ANKRD30B: variants seen among roughly 807,000 people sequenced by gnomAD.
ANKRD30B encodes the protein ankyrin repeat domain-containing protein 30B.
A neutral mutation model predicts 202.2 loss-of-function variants in ANKRD30B; 144 were observed. That is an observed-to-expected ratio of 0.71 (90% CI 0.62 to 0.82). ANKRD30B has a LOEUF of 0.82. Ranked by LOEUF, ANKRD30B falls within the 40% of genes least tolerant of loss-of-function variation. The pLI is 0.00. For synonymous variants in ANKRD30B, 508 were observed against 561.3 expected (o/e 0.91, Z 1.34); for missense variants, 1,487 against 1,669.1 (o/e 0.89, Z 1.90).
chr18:14,912,452 T>C, the ANKRD30B span, among the ~76,000 whole-genome samples: 1 of 152,230 alleles, frequency 6.6e-6, no homozygotes, highest in East Asian at 1.9e-4. Context: ...TATCCTTGCA[T>C]CCCTGAGATA....
intron 33 of ANKRD30B, among the ~76,000 whole-genome samples, chr18:14,830,013 T>G (rs897537863): frequency 6.6e-6 from 1 of 152,068 alleles, no homozygotes; most frequent in East Asian, 1.9e-4. Context: ...GGAGCTTCAG[T>G]TGGGTTTTTG....
rs553151216 is a variant in ANKRD30B, at chr18:14,842,532, T to G, written c.3080-365T>G. Among the ~76,000 whole-genome samples, 958 of 152,278 alleles carry G rather than the reference T, an allele frequency of 6.3e-3. 13 individuals carry two copies. The highest frequency in any genetic ancestry group is 0.021 in the African/African-American group (882 of 41,554). ...AGTGTATTTCACTGAATATATGGCG[T>G]AGGATTCTATATTCAGCTTTGACAT... On this transcript the variant is annotated intron_variant, in intron 37 of 43. Coordinates refer to ENST00000690538, the MANE Select transcript of ANKRD30B (RefSeq NM_001367607.2).
At chr18:14,879,951 T>C in the ANKRD30B span, among the ~76,000 whole-genome samples, 1 of 152,186 alleles carries the variant, frequency 6.6e-6, no homozygotes, top group Non-Finnish European at 1.5e-5. Flanking sequence ...CATGAAATCC[T>C]TGCCTATACC....
intron 8 of ANKRD30B, among the ~76,000 whole-genome samples, chr18:14,771,200 G>A (rs1266552635): frequency 6.6e-6 from 1 of 152,178 alleles, no homozygotes; most frequent in Non-Finnish European, 1.5e-5. Flanking sequence ...TCAGTAGTCT[G>A]TGCTTTGATG....
At chr18:14,839,981 A>G (rs1032850412) in intron 36 of ANKRD30B, among the ~76,000 whole-genome samples, 1 of 152,210 alleles carries the variant, frequency 6.6e-6, no homozygotes, top group Admixed American at 6.5e-5. Context: ...GATACTTTGA[A>G]GTAAATTCCT....
At chr18:14,763,649 G>A in intron 6 of ANKRD30B, 37 bp from the exon 7 acceptor site, 1 of 1,603,968 alleles carries the variant, frequency 6.2e-7, no homozygotes, top group South Asian at 1.1e-5. Flanking sequence ...TGATATTTAA[G>A]CAGAAAGAAA....
chr18:14,821,743 C>T (rs1042206483), intron 30 of ANKRD30B, among the ~76,000 whole-genome samples: 6 of 152,152 alleles, frequency 3.9e-5, no homozygotes, highest in Non-Finnish European at 7.3e-5. Context: ...CAGGCATGAG[C>T]CATGGCACCT....
At chr18:14,900,203 T>C in the ANKRD30B span, among the ~76,000 whole-genome samples, 1 of 152,214 alleles carries the variant, frequency 6.6e-6, no homozygotes, top group Non-Finnish European at 1.5e-5. Context: ...TAATTCTGTT[T>C]ATAATTTGGC....
At chr18:14,791,324 TC>T in intron 15 of ANKRD30B, 76 bp from the exon 16 acceptor site, 2 of 1,233,542 alleles carry the variant, frequency 1.6e-6, no homozygotes, top group Non-Finnish European at 2.3e-6. Context: ...TAAAAAAGAT[TC>T]TAGTTAGAAA....
the ANKRD30B span, among the ~76,000 whole-genome samples, chr18:14,869,450 C>T: frequency 2.3e-4 from 35 of 151,224 alleles, no homozygotes; most frequent in African/African-American, 6.1e-4. Flanking sequence ...TTTAGAAACC[C>T]GTTTTTTATA....
chr18:14,849,947 C>T (rs961626167), intron 40 of ANKRD30B, among the ~76,000 whole-genome samples: 1 of 151,446 alleles, frequency 6.6e-6, no homozygotes, highest in African/African-American at 2.4e-5. Context: ...TAGATAGCTT[C>T]CAATATTCTT....
chr18:14,748,762 A>T, intron 1 of ANKRD30B, 122 bp downstream of exon 1: 1 of 1,075,214 alleles, frequency 9.3e-7, no homozygotes, highest in Non-Finnish European at 1.3e-6. Flanking sequence ...GTGGCGGGCG[A>T]TGGGGCGGCC....
chr18:14,799,391 A>C (rs1969164439), intron 22 of ANKRD30B, 96 bp downstream of exon 22: 1 of 1,203,096 alleles, frequency 8.3e-7, no homozygotes, highest in Admixed American at 3.0e-5. Context: ...TTTTCTTTTC[A>C]AAATTGGATG....
the ANKRD30B span, among the ~76,000 whole-genome samples, chr18:14,907,305 C>A: frequency 1.2e-3 from 176 of 151,134 alleles, no homozygotes; most frequent in African/African-American, 4.2e-3. Flanking sequence ...ATTCCAAACT[C>A]AATTTTACTG....
chr18:14,818,109 TGAAAG>T (rs1217316965), intron 30 of ANKRD30B, among the ~76,000 whole-genome samples: 1 of 152,196 alleles, frequency 6.6e-6, no homozygotes, highest in Non-Finnish European at 1.5e-5. Flanking sequence ...TATTATTTGA[TGAAAG>T]GAGATATATT....
At chr18:14,879,357 G>A in the ANKRD30B span, among the ~76,000 whole-genome samples, 1 of 152,074 alleles carries the variant, frequency 6.6e-6, no homozygotes, top group Non-Finnish European at 1.5e-5. Flanking sequence ...CATTCCTAAT[G>A]CAGACATGAC....
chr18:14,768,578 C>A (rs549217541), intron 7 of ANKRD30B, among the ~76,000 whole-genome samples: 1 of 152,172 alleles, frequency 6.6e-6, no homozygotes, highest in African/African-American at 2.4e-5. Context: ...GGACAACTTG[C>A]TGGTTTCTGC....
chr18:14,902,013 C>CA, the ANKRD30B span, among the ~76,000 whole-genome samples: 2 of 152,088 alleles, frequency 1.3e-5, no homozygotes, highest in Non-Finnish European at 2.9e-5. Context: ...AGAATCATGG[C>CA]AGGAGGCAAA....
chr18:14,865,699 A>AACC, the ANKRD30B span, among the ~76,000 whole-genome samples: 1 of 149,904 alleles, frequency 6.7e-6, no homozygotes, highest in Non-Finnish European at 1.5e-5. Flanking sequence ...TTTTGGCACT[A>AACC]ACCACCCTCT....
Sources: allele counts gnomAD v4.1 joint callset (sites outside exome capture counted in the v4.1 genomes callset), GRCh38; gene constraint gnomAD v4.1.1; transcripts MANE v1.5; gene names NCBI Gene and HGNC (gene_info 2026-07-23, HGNC 2026-07-21).